MYO1D: variants seen among roughly 807,000 people sequenced by gnomAD.
MYO1D encodes myosin ID.
In MYO1D, 83 loss-of-function variants were observed where a neutral mutation model predicts 122.0. That is an observed-to-expected ratio of 0.68 (90% CI 0.57 to 0.82). The LOEUF (loss-of-function observed/expected upper bound fraction) is 0.82, where lower values mean the gene tolerates loss of function less well. Ranked by LOEUF, MYO1D falls within the 40% of genes least tolerant of loss-of-function variation. The pLI, the probability that MYO1D is intolerant of heterozygous loss-of-function variation, is 0.00. For missense variants in MYO1D, 1,157 were observed against 1,269.5 expected, an observed-to-expected ratio of 0.91 and a Z score of 1.35; for synonymous variants, 464 against 446.9, an observed-to-expected ratio of 1.04 and a Z score of -0.48.
intron 1 of MYO1D, among the ~76,000 whole-genome samples, chr17:32,862,090 C>T (rs1451551394): frequency 6.6e-6 from 1 of 152,122 alleles, no homozygotes; most frequent in Non-Finnish European, 1.5e-5. Flanking sequence ...CCCCCGCTCC[C>T]CACCTCTCCC....
chr17:32,638,860 C>A (rs1324789445), intron 19 of MYO1D, 25 bp from the exon 20 acceptor site: 1 of 1,447,944 alleles, frequency 6.9e-7, no homozygotes, highest in South Asian at 1.1e-5. Flanking sequence ...ACCAATAAAC[C>A]ATAGTATCTC....
chr17:32,569,590 T>C (rs1389892923), intron 21 of MYO1D, among the ~76,000 whole-genome samples: 1 of 152,158 alleles, frequency 6.6e-6, no homozygotes, highest in South Asian at 2.1e-4. Flanking sequence ...GGATGAGCAA[T>C]GGGAGACGCC....
intron 21 of MYO1D, among the ~76,000 whole-genome samples, chr17:32,545,550 A>G (rs1808163425): frequency 6.6e-6 from 1 of 152,192 alleles, no homozygotes; most frequent in Non-Finnish European, 1.5e-5. Context: ...GAGAATCATG[A>G]CCGCTGTCTT....
chr17:32,822,123 C>A (rs1422615990), intron 1 of MYO1D, among the ~76,000 whole-genome samples: 1 of 126,556 alleles, frequency 7.9e-6, no homozygotes, highest in African/African-American at 2.7e-5. Context: ...TGGAACCAAC[C>A]CAAATGTCCA....
At chr17:32,783,825 A>G (rs754014323) in intron 1 of MYO1D, among the ~76,000 whole-genome samples, 9 of 152,198 alleles carry the variant, frequency 5.9e-5, no homozygotes, top group Non-Finnish European at 1.0e-4. Flanking sequence ...TCCAGGAAGA[A>G]CTACTAATTA....
intron 21 of MYO1D, among the ~76,000 whole-genome samples, chr17:32,543,078 T>C (rs1168566788): frequency 6.7e-6 from 1 of 149,606 alleles, no homozygotes; most frequent in African/African-American, 2.5e-5. Context: ...CACAAAAAAT[T>C]AGCCAGGCAT....
intron 1 of MYO1D, among the ~76,000 whole-genome samples, chr17:32,820,582 A>C (rs2090652365): frequency 6.6e-6 from 1 of 152,226 alleles, no homozygotes; most frequent in East Asian, 1.9e-4. Flanking sequence ...AGTTGAACTC[A>C]AGGAAAAAGA....
intron 21 of MYO1D, among the ~76,000 whole-genome samples, chr17:32,549,766 C>T (rs1305349744): frequency 6.6e-6 from 1 of 152,122 alleles, no homozygotes; most frequent in African/African-American, 2.4e-5. Context: ...CCTCATTTTC[C>T]TCATCTGTCA....
At chr17:32,815,912 T>G (rs955593739) in intron 1 of MYO1D, among the ~76,000 whole-genome samples, 1 of 152,242 alleles carries the variant, frequency 6.6e-6, no homozygotes, top group Non-Finnish European at 1.5e-5. Context: ...TGTTTACTAG[T>G]ATCAATAACT....
intron 1 of MYO1D, among the ~76,000 whole-genome samples, chr17:32,806,259 AAAAC>A (rs957005274): frequency 2.0e-5 from 3 of 152,260 alleles, no homozygotes; most frequent in Non-Finnish European, 4.4e-5. Context: ...CTCTGTCTCA[AAAAC>A]AAACAAACAA....
intron 20 of MYO1D, among the ~76,000 whole-genome samples, chr17:32,624,032 C>T (rs917738423): frequency 2.6e-5 from 4 of 152,110 alleles, no homozygotes; most frequent in African/African-American, 9.6e-5. Flanking sequence ...CACACATATA[C>T]GTAAGTGATA....
intron 21 of MYO1D, among the ~76,000 whole-genome samples, chr17:32,594,039 T>C (rs1030949244): frequency 6.6e-6 from 1 of 152,238 alleles, no homozygotes; most frequent in African/African-American, 2.4e-5. Flanking sequence ...GGCTCCTTCT[T>C]ATAGCCCACT....
At chr17:32,688,046 G>C (rs2089042809) in intron 16 of MYO1D, among the ~76,000 whole-genome samples, 1 of 152,164 alleles carries the variant, frequency 6.6e-6, no homozygotes, top group Admixed American at 6.5e-5. Flanking sequence ...GAATTTCTGA[G>C]CTAAAGACTC....
intron 20 of MYO1D, among the ~76,000 whole-genome samples, chr17:32,615,897 T>C (rs1013960452): frequency 2.0e-5 from 3 of 152,178 alleles, no homozygotes; most frequent in Non-Finnish European, 2.9e-5. Context: ...TTTTGTCTAA[T>C]GGAGTGATTA....
intron 1 of MYO1D, among the ~76,000 whole-genome samples, chr17:32,835,876 A>G (rs1223967997): frequency 6.6e-6 from 1 of 152,182 alleles, no homozygotes; most frequent in Non-Finnish European, 1.5e-5. Flanking sequence ...AACCTAAAAG[A>G]GAATTAAGAT....
rs201920676 is a variant in MYO1D at position 32,687,128 on chromosome 17, AC to A, written c.2121+24859del. ...GTGGGTACTATTTTATTTCCCCCTT[AC>A]CCCCCGCCCGCACCCCAGCCTCCTG... is the stretch of plus-strand genomic sequence containing the variant. On this transcript the variant is annotated intron_variant, in intron 16 of 21. Transcript: ENST00000318217. 5.8e-3 allele frequency among the ~76,000 whole-genome samples: 864 copies of A among 149,164 alleles called. 13 individuals carry two copies. The highest frequency in any genetic ancestry group is 0.02 in the African/African-American group (802 of 40,242).
intron 21 of MYO1D, among the ~76,000 whole-genome samples, chr17:32,583,853 C>T (rs2087363616): frequency 6.6e-6 from 1 of 152,112 alleles, no homozygotes; most frequent in Non-Finnish European, 1.5e-5. Flanking sequence ...GATCTGCCCG[C>T]CCCAACCTCC....
At chr17:32,748,823 C>T in intron 12 of MYO1D, 113 bp downstream of exon 12, 1 of 983,046 alleles carries the variant, frequency 1.0e-6, no homozygotes, top group East Asian at 2.4e-5. Flanking sequence ...ATTGACATAT[C>T]AAATGACCAA....
chr17:32,831,247 A>G (rs137883014), intron 1 of MYO1D, among the ~76,000 whole-genome samples: 2 of 152,332 alleles, frequency 1.3e-5, no homozygotes, highest in East Asian at 1.9e-4. Context: ...GAGAAAGAGA[A>G]TAACATTTTT....
Sources: allele counts gnomAD v4.1 joint callset (sites outside exome capture counted in the v4.1 genomes callset), GRCh38; gene constraint gnomAD v4.1.1; transcripts MANE v1.5; gene names NCBI Gene and HGNC (gene_info 2026-07-23, HGNC 2026-07-21).